ZNF718: variants seen among roughly 807,000 people sequenced by gnomAD.
ZNF718 encodes the protein zinc finger protein 718.
ZNF718 carries 3 observed loss-of-function variants against 2.6 expected under a neutral mutation model. The ratio of observed to expected loss-of-function variants is 1.16; its 90% CI spans 0.53 to 3.01. The LOEUF (loss-of-function observed/expected upper bound fraction) is 3.01, where lower values mean the gene tolerates loss of function less well. Among genes scored for constraint, ZNF718 ranks in the 30% most tolerant of loss-of-function variants. ZNF718 has a pLI of 0.03. For missense variants in ZNF718, 468 were observed against 230.0 expected (o/e 2.03, Z -6.69); for synonymous variants, 135 against 77.9 (o/e 1.73, Z -3.86).
At chr4:190,818 A>T (rs1717678702) in intron 3 of ZNF718, among the ~76,000 whole-genome samples, 1 of 152,076 alleles carries the variant, frequency 6.6e-6, no homozygotes, top group Non-Finnish European at 1.5e-5. Flanking sequence ...GGGCGGGCAG[A>T]TCACAAGGTC....
chr4:144,297 C>T (rs1243840571), intron 3 of ZNF718, among the ~76,000 whole-genome samples: 4 of 152,288 alleles, frequency 2.6e-5, no homozygotes, highest in African/African-American at 7.2e-5. Flanking sequence ...TACTTTCTAG[C>T]GGTAACAATA....
downstream of ZNF718, among the ~76,000 whole-genome samples, chr4:166,318 A>G (rs1181078890): frequency 6.6e-6 from 1 of 152,204 alleles, no homozygotes; most frequent in Admixed American, 6.5e-5. Flanking sequence ...ATATGTGTGC[A>G]TGTGTCTTTA....
intron 3 of ZNF718, among the ~76,000 whole-genome samples, chr4:170,191 C>CT (rs2108809491): frequency 6.6e-6 from 1 of 152,290 alleles, no homozygotes; most frequent in East Asian, 1.9e-4. Flanking sequence ...TCTCTTCTGG[C>CT]TTGTAGAGTT....
At chr4:142,062 C>T (rs1715836099) in intron 3 of ZNF718, 1 of 519,968 alleles carries the variant, frequency 1.9e-6, no homozygotes, top group Non-Finnish European at 3.8e-6. Context: ...CACACTACAA[C>T]AAAATGTCAG....
intron 3 of ZNF718, among the ~76,000 whole-genome samples, chr4:153,797 A>T (rs1553813091): frequency 6.6e-6 from 1 of 152,214 alleles, no homozygotes; most frequent in African/African-American, 2.4e-5. Context: ...ACTGAACAGA[A>T]ATCTATATAC....
At chr4:143,521 A>G (rs782200683) in intron 3 of ZNF718, among the ~76,000 whole-genome samples, 1 of 152,202 alleles carries the variant, frequency 6.6e-6, no homozygotes, top group East Asian at 1.9e-4. Flanking sequence ...CTGGGATGCC[A>G]TTGTTTTGGA....
At chr4:182,590 G>A (rs1717490613) in intron 3 of ZNF718, among the ~76,000 whole-genome samples, 1 of 151,830 alleles carries the variant, frequency 6.6e-6, no homozygotes, top group Non-Finnish European at 1.5e-5. Flanking sequence ...CCACCAACAT[G>A]CCTGGCTAAT....
intron 3 of ZNF718, among the ~76,000 whole-genome samples, chr4:141,195 A>G (rs1216241778): frequency 6.6e-6 from 1 of 152,222 alleles, no homozygotes; most frequent in Non-Finnish European, 1.5e-5. Context: ...AAAAAAGAGA[A>G]TAGTTTTGTC....
chr4:133,709 G>A (rs7699689), intron 3 of ZNF718, among the ~76,000 whole-genome samples: 79,849 of 152,038 alleles, frequency 0.53, 21,320 homozygotes, highest in East Asian at 0.78. Context: ...TAGCAACAAT[G>A]TTCATTTAAA....
chr4:170,296 C>G (rs1197092837), intron 3 of ZNF718, among the ~76,000 whole-genome samples: 11 of 152,148 alleles, frequency 7.2e-5, no homozygotes, highest in African/African-American at 2.7e-4. Flanking sequence ...TCCTTCATTT[C>G]AACTTCAGTG....
intron 3 of ZNF718, among the ~76,000 whole-genome samples, chr4:137,077 A>C (rs1237203853): frequency 9.9e-5 from 15 of 151,882 alleles, no homozygotes; most frequent in Non-Finnish European, 8.8e-5. Flanking sequence ...AGCATGTGGC[A>C]CCTCTCCTTT....
At position 161,061 on chromosome 4, in the gene ZNF718, G is replaced by T. The variant is rs781952380; in HGVS notation, c.376G>T (p.Gly126Cys). Residue 126 changes from glycine (G) to cysteine (C), a missense_variant, in exon 4 of 4, where the codon GGT (glycine) becomes TGT (cysteine). Transcript: ENST00000510175. ...KSINECKVQK[G>C]GYNRINQCLL... ...TATAAATGAGTGTAAGGTGCAGAAA[G>T]GTGGTTATAATAGAATTAACCAATG... is the stretch of plus-strand genomic sequence containing the variant. The T allele has an allele frequency of 1.3e-6, 1 of 779,704 alleles. No individual in the cohort carries two copies. Among genetic ancestry groups the T allele is most frequent in the African/African-American group, 1.7e-5 (1 of 59,110 alleles). 48.3% of individuals were successfully genotyped at this position (779,704 alleles called of 1,614,324 possible).
intron 3 of ZNF718, among the ~76,000 whole-genome samples, chr4:192,749 C>T (rs1358256923): frequency 5.9e-5 from 9 of 152,192 alleles, no homozygotes; most frequent in Non-Finnish European, 1.2e-4. Context: ...CGGACTGCAT[C>T]TGGGGCTCCA....
At chr4:179,990 AAAC>A (rs1553819590) in intron 3 of ZNF718, among the ~76,000 whole-genome samples, 1 of 152,234 alleles carries the variant, frequency 6.6e-6, no homozygotes, top group Non-Finnish European at 1.5e-5. Context: ...AGAGAAAAAG[AAAC>A]AAAATGTAAG....
chr4:172,144 A>G (rs1553818180), intron 3 of ZNF718, among the ~76,000 whole-genome samples: 1 of 152,208 alleles, frequency 6.6e-6, no homozygotes, highest in Non-Finnish European at 1.5e-5. Context: ...AACTTAGTCA[A>G]CTGTATTTAC....
intron 3 of ZNF718, among the ~76,000 whole-genome samples, chr4:160,008 T>C (rs970683752): frequency 6.6e-6 from 1 of 152,200 alleles, no homozygotes; most frequent in Admixed American, 6.5e-5. Context: ...TATTCTTCAG[T>C]TAAAAGAGTT....
exon 5 of ZNF718, chr4:201,917 G>T: frequency 5.3e-6 from 1 of 188,540 alleles, no homozygotes; most frequent in Non-Finnish European, 1.2e-5. Flanking sequence ...CTATCATCCT[G>T]TTAAATCTGT....
At chr4:165,724 G>A (rs191891810), downstream of ZNF718, among the ~76,000 whole-genome samples, 172 of 152,264 alleles carry the variant, frequency 1.1e-3, no homozygotes, top group African/African-American at 3.9e-3. Flanking sequence ...GCTTGAACCC[G>A]GGAGGTGGAG....
At chr4:168,688 C>G (rs535721181), downstream of ZNF718, among the ~76,000 whole-genome samples, 2 of 151,970 alleles carry the variant, frequency 1.3e-5, no homozygotes, top group Non-Finnish European at 2.9e-5. Flanking sequence ...TCTGTGGGAT[C>G]GGTGGTGATA....
Sources: allele counts gnomAD v4.1 joint callset (sites outside exome capture counted in the v4.1 genomes callset), GRCh38; gene constraint gnomAD v4.1.1; transcripts MANE v1.5; gene names NCBI Gene and HGNC (gene_info 2026-07-23, HGNC 2026-07-21).